GALNTL6: variants seen among roughly 807,000 people sequenced by gnomAD.
The protein encoded by GALNTL6 is polypeptide N-acetylgalactosaminyltransferase like 6.
GALNTL6 carries 46 observed loss-of-function variants against 73.7 expected under a neutral mutation model. That is an observed-to-expected ratio of 0.62 (90% CI 0.49 to 0.80). The LOEUF (loss-of-function observed/expected upper bound fraction) is 0.80. Ranked by LOEUF, GALNTL6 falls within the 30% of genes least tolerant of loss-of-function variation. The pLI is 0.00. For synonymous variants in GALNTL6, 259 were observed against 263.7 expected, an observed-to-expected ratio of 0.98 and a Z score of 0.17; for missense variants, 604 against 755.0, an observed-to-expected ratio of 0.80 and a Z score of 2.34.
At chr4:173,011,587 C>A (rs185649736) in intron 11 of GALNTL6, among the ~76,000 whole-genome samples, 4 of 152,110 alleles carry the variant, frequency 2.6e-5, no homozygotes, top group Non-Finnish European at 5.9e-5. Flanking sequence ...TTACAGGCTT[C>A]TGCATGTGGA....
intron 2 of GALNTL6, among the ~76,000 whole-genome samples, chr4:172,127,929 C>A (rs898749769): frequency 6.6e-6 from 1 of 151,828 alleles, no homozygotes; most frequent in Non-Finnish European, 1.5e-5. Flanking sequence ...ATGGTAAAAC[C>A]CCGTCTCTAC....
chr4:172,131,973 G>A (rs570955690), intron 2 of GALNTL6, among the ~76,000 whole-genome samples: 2 of 152,082 alleles, frequency 1.3e-5, no homozygotes, highest in African/African-American at 4.8e-5. Flanking sequence ...TTATAAAATA[G>A]TATATATTAT....
intron 5 of GALNTL6, among the ~76,000 whole-genome samples, chr4:172,664,924 G>A (rs1326956042): frequency 6.6e-6 from 1 of 152,132 alleles, no homozygotes; most frequent in Non-Finnish European, 1.5e-5. Context: ...TGTAAAAGGG[G>A]AACTAAAGAT....
At chr4:172,620,571 A>G (rs1391490712) in intron 5 of GALNTL6, among the ~76,000 whole-genome samples, 2 of 152,214 alleles carry the variant, frequency 1.3e-5, no homozygotes, top group African/African-American at 4.8e-5. Flanking sequence ...CGAAGACAGA[A>G]TTATATCAAT....
chr4:172,753,708 A>G (rs541977107), intron 5 of GALNTL6, among the ~76,000 whole-genome samples: 1 of 152,238 alleles, frequency 6.6e-6, no homozygotes. Context: ...AACCACAATT[A>G]TATAATAATT....
chr4:172,406,612 C>T (rs1744246544), intron 5 of GALNTL6, among the ~76,000 whole-genome samples: 1 of 151,934 alleles, frequency 6.6e-6, no homozygotes, highest in African/African-American at 2.4e-5. Context: ...CATAAAACAA[C>T]TTAGTTGCCT....
intron 2 of GALNTL6, among the ~76,000 whole-genome samples, chr4:171,931,032 T>C (rs1018673781): frequency 1.3e-5 from 2 of 152,218 alleles, no homozygotes; most frequent in African/African-American, 2.4e-5. Flanking sequence ...CAGAGTAACC[T>C]GCTAGCTTCT....
intron 5 of GALNTL6, among the ~76,000 whole-genome samples, chr4:172,399,944 C>T (rs930683272): frequency 2.6e-5 from 4 of 152,108 alleles, no homozygotes; most frequent in Non-Finnish European, 5.9e-5. Flanking sequence ...GTTTGCTTCT[C>T]TCATCTACTC....
intron 2 of GALNTL6, among the ~76,000 whole-genome samples, chr4:171,899,009 C>G (rs1482229570): frequency 7.0e-6 from 1 of 143,254 alleles, no homozygotes; most frequent in African/African-American, 2.6e-5. Flanking sequence ...TGAATACATT[C>G]AGGGGCATTT....
intron 3 of GALNTL6, among the ~76,000 whole-genome samples, chr4:172,254,072 C>T (rs1441422060): frequency 6.6e-6 from 1 of 151,728 alleles, no homozygotes; most frequent in Non-Finnish European, 1.5e-5. Context: ...ACAGGTTAAT[C>T]GAAGAATCTT....
chr4:172,618,440 T>G (rs778556371), intron 5 of GALNTL6, among the ~76,000 whole-genome samples: 1 of 152,304 alleles, frequency 6.6e-6, no homozygotes. Context: ...TACTCCCTAG[T>G]AACACAGCCC....
At chr4:172,824,396 T>TCA (rs1560976878) in intron 7 of GALNTL6, among the ~76,000 whole-genome samples, 1 of 83,660 alleles carries the variant, frequency 1.2e-5, no homozygotes, top group African/African-American at 1.1e-4. Flanking sequence ...GTGTGTGTGT[T>TCA]TGTGTGTGTG....
chr4:171,876,178 G>T (rs1285287724), intron 2 of GALNTL6, among the ~76,000 whole-genome samples: 1 of 150,364 alleles, frequency 6.7e-6, no homozygotes, highest in Admixed American at 6.7e-5. Context: ...AAGTAGAAAT[G>T]GCATTGAGAT....
intron 5 of GALNTL6, among the ~76,000 whole-genome samples, chr4:172,552,736 T>G (rs1052446224): frequency 1.1e-3 from 141 of 128,818 alleles, no homozygotes; most frequent in African/African-American, 5.7e-3. Flanking sequence ...TTAAAAGCGT[T>G]TTTTTTTTTT....
chr4:172,141,882 AACACAC>A (rs200060015), intron 2 of GALNTL6, among the ~76,000 whole-genome samples: 7,767 of 108,906 alleles, frequency 0.071, 215 homozygotes, highest in South Asian at 0.18. Flanking sequence ...AACACACACA[AACACAC>A]ACACACACAC....
intron 5 of GALNTL6, among the ~76,000 whole-genome samples, chr4:172,609,393 G>A (rs1039067170): frequency 6.6e-6 from 1 of 152,104 alleles, no homozygotes; most frequent in Non-Finnish European, 1.5e-5. Context: ...TGCATCTATT[G>A]AGATAATCAT....
At chr4:171,878,734 T>C (rs1482674485) in intron 2 of GALNTL6, among the ~76,000 whole-genome samples, 1 of 152,168 alleles carries the variant, frequency 6.6e-6, no homozygotes, top group Non-Finnish European at 1.5e-5. Flanking sequence ...CCACAAAAAT[T>C]TCATGTCAAA....
At chr4:172,893,372 C>G (rs1331378126) in intron 8 of GALNTL6, among the ~76,000 whole-genome samples, 3 of 149,728 alleles carry the variant, frequency 2.0e-5, no homozygotes, top group African/African-American at 7.5e-5. Context: ...CCTTCTCAAA[C>G]TCAAGCCAAA....
chr4:172,420,958 A>G (rs1731033936), intron 5 of GALNTL6, among the ~76,000 whole-genome samples: 1 of 152,086 alleles, frequency 6.6e-6, no homozygotes, highest in South Asian at 2.1e-4. Flanking sequence ...TGGGAGCTTA[A>G]CAATGAGAAC....
Sources: gnomAD v4.1 joint callset for allele counts (sites outside exome capture counted in the v4.1 genomes callset) on GRCh38, gnomAD v4.1.1 for gene constraint, MANE v1.5 for transcripts, NCBI Gene and HGNC (gene_info 2026-07-23, HGNC 2026-07-21) for gene names.